XPO1: variants seen among roughly 807,000 people sequenced by gnomAD.
XPO1 encodes the protein exportin 1.
A neutral mutation model predicts 133.3 loss-of-function variants in XPO1; 5 were observed. That is an observed-to-expected ratio of 0.04 (90% confidence interval 0.02 to 0.08). XPO1 has a LOEUF of 0.08. Among genes scored for constraint, XPO1 ranks in the 10% least tolerant of loss-of-function variants. The pLI, the probability that XPO1 is intolerant of heterozygous loss-of-function variation, is 1.00. For missense variants in XPO1, 506 were observed against 1,267.5 expected (o/e 0.40, Z 9.12); for synonymous variants, 419 against 408.2 (o/e 1.03, Z -0.32).
At chr2:61,480,644 TTG>T (rs925724685) in intron 24 of XPO1, 1 of 152,176 alleles carries the variant, frequency 6.6e-6, no homozygotes, top group Non-Finnish European at 1.5e-5. Context: ...AAAAAAACCT[TTG>T]TATTTTGGAG....
chr2:61,487,848 A>G (rs1696772949), intron 19 of XPO1, among the ~76,000 whole-genome samples: 1 of 152,206 alleles, frequency 6.6e-6, no homozygotes, highest in Non-Finnish European at 1.5e-5. Context: ...CTAAAAATCA[A>G]GAGGAATGCA....
intron 2 of XPO1, among the ~76,000 whole-genome samples, chr2:61,527,321 C>CAAAAAA (rs35556629): frequency 2.2e-5 from 2 of 92,656 alleles, no homozygotes; most frequent in African/African-American, 9.4e-5. Context: ...CATGACTCTC[C>CAAAAAA]AAAAAAAAAA....
chr2:61,479,375 C>CTGCATGGCGGAGGT (rs1479815173), intron 24 of XPO1, among the ~76,000 whole-genome samples: 1 of 151,992 alleles, frequency 6.6e-6, no homozygotes, highest in African/African-American at 2.4e-5. Flanking sequence ...TCACTTGAAC[C>CTGCATGGCGGAGGT]TGCATGGCGG....
In XPO1 at chr2:61,525,476, T is replaced by C. The variant is rs558039757; in HGVS notation, c.228+944A>G. On this transcript the variant is annotated intron_variant, in intron 3 of 24. Transcript: ENST00000401558. Reference sequence around the variant, plus strand: ...CCAAATCATTTGTAATTTATGTAAATTGAAGAATTCTTTACCTGTTGCTTT... The same window carrying C: ...CCAAATCATTTGTAATTTATGTAAACTGAAGAATTCTTTACCTGTTGCTTT... The C allele has an allele frequency of 5.1e-5, 51 of 1,007,918 alleles. No individual in the cohort carries two copies. In the Admixed American group the frequency reaches 5.4e-4, roughly 11 times the overall value. The allele number at this position is 1,007,918 out of a possible 1,614,324, so 62.4% of individuals were successfully genotyped here.
chr2:61,492,316 G>A lies in XPO1; in HGVS notation c.1723+9C>T, dbSNP rs2104429812. 1.3e-6 allele frequency: 2 copies of A among 1,584,010 alleles called. No individual in the cohort carries two copies. The highest frequency in any genetic ancestry group is 1.7e-6 in the Non-Finnish European group (2 of 1,172,106). ...ATAAAAGCAAAATATAGTAAAGAAA[G>A]AGATTTACCATGCATGAATTCGAAC... On this transcript the variant is annotated intron_variant, in intron 15 of 24. Transcript: ENST00000401558. This position sits in a 1 kb window ranked among gnomAD's most constrained non-coding sequence, Gnocchi z 5.6.
Position 61,492,206 on chromosome 2 carries a change from G to A in XPO1, c.1724-8C>T, listed in dbSNP as rs1224973104. 20 of 1,611,932 alleles carry A rather than the reference G, an allele frequency of 1.2e-5. No individual in the cohort carries two copies. The highest frequency in any genetic ancestry group is 2.2e-5 in the South Asian group (2 of 90,900). On this transcript the variant is annotated splice_region_variant and splice_polypyrimidine_tract_variant and intron_variant, in intron 15 of 24. Coordinates refer to ENST00000401558, the MANE Select transcript of XPO1 (RefSeq NM_003400.4). The surrounding 1 kb of genome is among the most constrained non-coding windows in gnomAD (Gnocchi z 5.6). Reference sequence around the variant, plus strand: ...GGACTCCATCATGGGTCTCTAACAAGACAAAAATATTCATTTATTTTGTCC... The same window carrying A: ...GGACTCCATCATGGGTCTCTAACAAAACAAAAATATTCATTTATTTTGTCC...
intron 19 of XPO1, among the ~76,000 whole-genome samples, chr2:61,486,439 C>G (rs1306222705): frequency 6.8e-6 from 1 of 146,726 alleles, no homozygotes; most frequent in South Asian, 2.2e-4. Flanking sequence ...TGTAAGATGG[C>G]AGCAAGCGAG....
chr2:61,537,803 G>A lies in XPO1; in HGVS notation c.-248C>T, dbSNP rs1230423189. 7.9e-6 allele frequency: 1 copy of A among 126,310 alleles called. No individual in the cohort carries two copies. Among genetic ancestry groups the A allele is most frequent in the Non-Finnish European group, 1.8e-5 (1 of 56,872 alleles). 7.8% of individuals were successfully genotyped at this position (126,310 alleles called of 1,614,324 possible). ...CACACACCCGCCCCCCCCCAAAAGG[G>A]GAATTAATCTGGGGAATAAATGCTC... is the stretch of plus-strand genomic sequence containing the variant. On this transcript the variant is annotated 5_prime_UTR_variant, in exon 1 of 25. Coordinates refer to ENST00000401558, the MANE Select transcript of XPO1 (RefSeq NM_003400.4).
chr2:61,495,417 G>A, intron 11 of XPO1, 38 bp downstream of exon 11: 2 of 1,481,510 alleles, frequency 1.3e-6, no homozygotes, highest in Non-Finnish European at 1.8e-6. Context: ...TTAGTAGGCA[G>A]AGCAGAATTT....
chr2:61,499,283 T>G (rs186299102), intron 7 of XPO1, among the ~76,000 whole-genome samples: 1 of 152,318 alleles, frequency 6.6e-6, no homozygotes, highest in African/African-American at 2.4e-5. Context: ...CTCTGTGGCA[T>G]GCACCTGCAG....
At chr2:61,524,186 A>G (rs1010285182) in intron 3 of XPO1, among the ~76,000 whole-genome samples, 1 of 152,204 alleles carries the variant, frequency 6.6e-6, no homozygotes, top group African/African-American at 2.4e-5. Flanking sequence ...AAAGCAATGC[A>G]CTGCTTACAA....
chr2:61,492,834 C>A lies in XPO1; in HGVS notation c.1384+81G>T. 6.4e-7 allele frequency: 1 copy of A among 1,557,114 alleles called. No individual in the cohort carries two copies. Among genetic ancestry groups the A allele is most frequent in the African/African-American group, 1.4e-5 (1 of 72,974 alleles). ...AATACATTTAGAAAATATTTAGAAA[C>A]TACAAGTACATTTCCTAAAATGTAT... On this transcript the variant is annotated intron_variant, in intron 13 of 24. Transcript: ENST00000401558. The surrounding 1 kb of genome is among the most constrained non-coding windows in gnomAD (Gnocchi z 5.6).
intron 3 of XPO1, among the ~76,000 whole-genome samples, chr2:61,523,645 G>A (rs1433571304): frequency 1.3e-5 from 2 of 152,150 alleles, no homozygotes; most frequent in African/African-American, 4.8e-5. Flanking sequence ...ACCTCAGATT[G>A]CAAGTTTTGG....
chr2:61,497,021 G>A lies in XPO1; in HGVS notation c.760-14C>T, dbSNP rs1033361515. 1.3e-6 allele frequency: 2 copies of A among 1,594,830 alleles called. No individual in the cohort carries two copies. Among genetic ancestry groups the A allele is most frequent in the Admixed American group, 1.9e-5 (1 of 53,742 alleles). On this transcript the variant is annotated splice_polypyrimidine_tract_variant and intron_variant, in intron 9 of 24. Coordinates refer to ENST00000401558, the MANE Select transcript of XPO1 (RefSeq NM_003400.4). Reference sequence around the variant, plus strand: ...AACATTCAGGAACTATTTAAAAGGGGGGAGGGAACCATAAAATTAATTGGC... The same window carrying A: ...AACATTCAGGAACTATTTAAAAGGGAGGAGGGAACCATAAAATTAATTGGC...
rs1697105042 is a variant in XPO1 at position 61,493,703 on chromosome 2, G to A, written c.1245+191C>T. ...ATCACAACCAATGTTGATACTGAGA[G>A]AAGGACCACACTCTTGAGAATCAAG... is the stretch of plus-strand genomic sequence containing the variant. On this transcript the variant is annotated intron_variant, in intron 12 of 24. Transcript: ENST00000401558. The A allele has an allele frequency of 5.0e-6, 3 of 604,706 alleles. No individual in the cohort carries two copies. The South Asian group carries it at 6.4e-5, about 13-fold the overall frequency. The allele number at this position is 604,706 out of a possible 1,614,324, so 37.5% of individuals were successfully genotyped here.
At chr2:61,482,872 C>T (rs1470264524) in intron 22 of XPO1, 85 bp downstream of exon 22, 1 of 1,541,860 alleles carries the variant, frequency 6.5e-7, no homozygotes, top group African/African-American at 1.4e-5. Context: ...ATCTCCCCGC[C>T]TCGACCTCCC....
At chr2:61,485,544 T>G (rs1696650820) in intron 20 of XPO1, 1 of 253,034 alleles carries the variant, frequency 4.0e-6, no homozygotes, top group Non-Finnish European at 7.4e-6. Flanking sequence ...GGTTACTTTT[T>G]GAACTTTTTG....
Position 61,528,722 on chromosome 2 carries a change from C to A in XPO1, c.127-2201G>T, listed in dbSNP as rs538934908. 1.3e-4 allele frequency among the ~76,000 whole-genome samples: 16 copies of A among 118,844 alleles called. No homozygotes were observed. The South Asian group carries it at 3.0e-3, about 22-fold the overall frequency. 78.0% of individuals were successfully genotyped at this position (118,844 alleles called of 152,430 possible). A position where few individuals can be genotyped will look rare whatever the true frequency, so the allele number is the denominator to read the frequency against. Reference sequence around the variant, plus strand: ...GACAGTTTTTAAGATCCAGCCATGTCGACATTTTATTTATATATATATATA... The same window carrying A: ...GACAGTTTTTAAGATCCAGCCATGTAGACATTTTATTTATATATATATATA... On this transcript the variant is annotated intron_variant, in intron 2 of 24. Coordinates refer to ENST00000401558, the MANE Select transcript of XPO1 (RefSeq NM_003400.4).
intron 4 of XPO1, among the ~76,000 whole-genome samples, chr2:61,502,965 C>CTTTTTTTTTTT (rs201077547): frequency 3.6e-5 from 5 of 138,308 alleles, no homozygotes; most frequent in African/African-American, 1.4e-4. Context: ...TGTTTCTTTT[C>CTTTTTTTTTTT]TTTTTTTTTT....
Sources: allele counts gnomAD v4.1 joint callset (sites outside exome capture counted in the v4.1 genomes callset), GRCh38; gene constraint gnomAD v4.1.1; non-coding constraint Gnocchi (gnomAD v3.1); transcripts MANE v1.5; gene names NCBI Gene and HGNC (gene_info 2026-07-23, HGNC 2026-07-21).